ALK: variants seen among roughly 807,000 people sequenced by gnomAD.
ALK encodes the protein ALK tyrosine kinase receptor.
In ALK, 74 loss-of-function variants were observed where a neutral mutation model predicts 163.1. That is an observed-to-expected ratio of 0.45 (90% CI 0.38 to 0.55). ALK has a LOEUF of 0.55. Among genes scored for constraint, ALK ranks in the 20% least tolerant of loss-of-function variants. ALK has a pLI of 0.00. For synonymous variants in ALK, 960 were observed against 843.2 expected, an observed-to-expected ratio of 1.14 and a Z score of -2.40; for missense variants, 2,063 against 2,105.3, an observed-to-expected ratio of 0.98 and a Z score of 0.39.
rs144493937 is a variant in ALK at position 29,400,975 on chromosome 2, C to CAA, written c.1155-17118_1155-17117dup. Among the ~76,000 whole-genome samples the CAA allele has an allele frequency of 3.9e-4, 52 of 133,856 alleles. No individual in the cohort carries two copies. The Middle Eastern group carries it at 0.016, about 41-fold the overall frequency. The allele number at this position is 133,856 out of a possible 152,430, so 87.8% of individuals were successfully genotyped here. A position where few individuals can be genotyped will look rare whatever the true frequency, so the allele number is the denominator to read the frequency against. On this transcript the variant is annotated intron_variant, in intron 4 of 28. Transcript: ENST00000389048. ...GGGCAAACAGAGTGAGACTCTGTCT[C>CAA]AAAAAAAAAAAAAGCAGATGTTTTT...
chr2:29,541,712 T>C (rs942581383), intron 3 of ALK, among the ~76,000 whole-genome samples: 1 of 152,306 alleles, frequency 6.6e-6, no homozygotes, highest in Admixed American at 6.5e-5. Context: ...AAAACAAAAG[T>C]ATTCCTGCAA....
intron 1 of ALK, among the ~76,000 whole-genome samples, chr2:29,816,928 G>C (rs945699715): frequency 3.3e-5 from 5 of 152,216 alleles, no homozygotes; most frequent in African/African-American, 1.2e-4. Context: ...ATGCAAGAGA[G>C]AGGGAACAAT....
At chr2:29,827,548 C>T (rs1200829911) in intron 1 of ALK, among the ~76,000 whole-genome samples, 3 of 152,112 alleles carry the variant, frequency 2.0e-5, no homozygotes, top group African/African-American at 7.2e-5. Flanking sequence ...GCTTTGTTGG[C>T]AAAGGCAGTC....
In ALK at chr2:29,228,750, G is replaced by C. The variant is rs529493692; in HGVS notation, c.2815+134C>G. ...CCTCTGGCTGGTCCAGGCAGGTCGA[G>C]AGGGAGGCGTGCAGTCACATCACAG... On this transcript the variant is annotated intron_variant, in intron 16 of 28. Coordinates refer to ENST00000389048, the MANE Select transcript of ALK (RefSeq NM_004304.5). 271 of 684,814 alleles carry C rather than the reference G, an allele frequency of 4.0e-4. 3 individuals are homozygous for C. The South Asian group carries it at 4.5e-3, about 11-fold the overall frequency. 42.4% of individuals were successfully genotyped at this position (684,814 alleles called of 1,614,324 possible). A position where few individuals can be genotyped will look rare whatever the true frequency, so the allele number is the denominator to read the frequency against.
chr2:29,649,949 A>G (rs1473617549), intron 3 of ALK, among the ~76,000 whole-genome samples: 12 of 152,164 alleles, frequency 7.9e-5, no homozygotes. Flanking sequence ...AAGCATATGT[A>G]TAGACCACAA....
At chr2:29,425,508 GAT>G (rs941902775) in intron 4 of ALK, among the ~76,000 whole-genome samples, 2 of 152,190 alleles carry the variant, frequency 1.3e-5, no homozygotes, top group African/African-American at 4.8e-5. Flanking sequence ...ATGTCATGCT[GAT>G]AATGCTGGGG....
chr2:29,332,812 G>A (rs1667484266), intron 5 of ALK, among the ~76,000 whole-genome samples: 1 of 152,234 alleles, frequency 6.6e-6, no homozygotes, highest in South Asian at 2.1e-4. Flanking sequence ...ACGCTTTGAA[G>A]AATATCTTTG....
At chr2:29,875,289 G>A (rs1218228432) in intron 1 of ALK, among the ~76,000 whole-genome samples, 1 of 152,164 alleles carries the variant, frequency 6.6e-6, no homozygotes, top group Non-Finnish European at 1.5e-5. Flanking sequence ...TGAGTACAGA[G>A]TTTCTATTAA....
At position 29,894,453 on chromosome 2, in the gene ALK, G is replaced by A. The variant is rs1175766331; in HGVS notation, c.667+25540C>T. 1.1e-4 allele frequency among the ~76,000 whole-genome samples: 17 copies of A among 152,198 alleles called. No homozygotes were observed. The East Asian group carries it at 3.3e-3, about 29-fold the overall frequency. On this transcript the variant is annotated intron_variant, in intron 1 of 28. Coordinates refer to ENST00000389048, the MANE Select transcript of ALK (RefSeq NM_004304.5). ...TGGCATTGCTGGGAGGGCTACATGAGAAATGGAGGTTAAGCCTGACTTTTG... is the reference window on the plus strand; with the variant it reads ...TGGCATTGCTGGGAGGGCTACATGAAAAATGGAGGTTAAGCCTGACTTTTG...
intron 19 of ALK, chr2:29,223,939 T>A (rs896484011): frequency 9.4e-6 from 3 of 319,494 alleles, no homozygotes; most frequent in African/African-American, 6.3e-5. Flanking sequence ...TAACCCCACG[T>A]GAACGAGGGA....
chr2:29,718,051 A>T (rs1679313974), intron 1 of ALK, among the ~76,000 whole-genome samples: 2 of 152,350 alleles, frequency 1.3e-5, no homozygotes, highest in East Asian at 1.9e-4. Flanking sequence ...ACTCCAATTC[A>T]TCTCGTCCAG....
At chr2:29,907,354 TTC>T (rs1324939496) in intron 1 of ALK, among the ~76,000 whole-genome samples, 1 of 152,186 alleles carries the variant, frequency 6.6e-6, no homozygotes, top group Non-Finnish European at 1.5e-5. Flanking sequence ...TGATATTTCA[TTC>T]TCTTTCTCTT....
chr2:29,692,576 T>C lies in ALK; in HGVS notation c.952+2274A>G, dbSNP rs186379852. Among the ~76,000 whole-genome samples the C allele has an allele frequency of 3.4e-3, 519 of 152,370 alleles. 1 individual carries two copies. Among genetic ancestry groups the C allele is most frequent in the Non-Finnish European group, 5.3e-3 (363 of 68,032 alleles). On this transcript the variant is annotated intron_variant, in intron 3 of 28. Coordinates refer to ENST00000389048, the MANE Select transcript of ALK (RefSeq NM_004304.5). ...GTGCACAATACGATTCACGTTTTTATAATCACAATAGGATTCATGTTCCTA... is the reference window on the plus strand; with the variant it reads ...GTGCACAATACGATTCACGTTTTTACAATCACAATAGGATTCATGTTCCTA...
chr2:29,828,889 A>G lies in ALK; in HGVS notation c.667+91104T>C, dbSNP rs142088724. Among the ~76,000 whole-genome samples the G allele has an allele frequency of 4.2e-3, 644 of 152,226 alleles. 33 individuals carry two copies. In the East Asian group the frequency reaches 0.11, roughly 25 times the overall value. ...ATGTATGTTTATTGTGGCACTCTTC[A>G]CAATAGCAAAGACTTGGAACCAAGC... On this transcript the variant is annotated intron_variant, in intron 1 of 28. Transcript: ENST00000389048.
intron 4 of ALK, among the ~76,000 whole-genome samples, chr2:29,394,356 C>G (rs1669252538): frequency 6.6e-6 from 1 of 151,442 alleles, no homozygotes; most frequent in Non-Finnish European, 1.5e-5. Context: ...AAAAATCAAG[C>G]AAGAGAAGAC....
chr2:29,776,978 G>A (rs1681194175), intron 1 of ALK, among the ~76,000 whole-genome samples: 1 of 152,218 alleles, frequency 6.6e-6, no homozygotes, highest in South Asian at 2.1e-4. Flanking sequence ...CAAGGGTTCT[G>A]ACCCCCAATC....
At chr2:29,485,829 T>A (rs901530440) in intron 4 of ALK, among the ~76,000 whole-genome samples, 6 of 152,192 alleles carry the variant, frequency 3.9e-5, no homozygotes, top group Non-Finnish European at 5.9e-5. Flanking sequence ...TTCCTAGGAC[T>A]GCAACTTGCG....
chr2:29,652,707 C>A (rs575164800), intron 3 of ALK, among the ~76,000 whole-genome samples: 1 of 152,048 alleles, frequency 6.6e-6, no homozygotes, highest in Non-Finnish European at 1.5e-5. Flanking sequence ...TAATCAATCA[C>A]GCTTAGGTAA....
chr2:29,830,905 A>G (rs1665355695), intron 1 of ALK, among the ~76,000 whole-genome samples: 1 of 133,756 alleles, frequency 7.5e-6, no homozygotes, highest in Non-Finnish European at 1.6e-5. Flanking sequence ...CCCTAACTCT[A>G]AAGAAATGAA....
Sources: allele counts gnomAD v4.1 joint callset (sites outside exome capture counted in the v4.1 genomes callset), GRCh38; gene constraint gnomAD v4.1.1; transcripts MANE v1.5; gene names NCBI Gene and HGNC (gene_info 2026-07-23, HGNC 2026-07-21).